FRMPD1: variants seen among roughly 807,000 people sequenced by gnomAD.
The protein encoded by FRMPD1 is FERM and PDZ domain containing 1.
A neutral mutation model predicts 117.8 loss-of-function variants in FRMPD1; 76 were observed. The observed-to-expected ratio is 0.65, with a 90% CI of 0.54 to 0.78. The LOEUF (loss-of-function observed/expected upper bound fraction) is 0.78. Ranked by LOEUF, FRMPD1 falls within the 30% of genes least tolerant of loss-of-function variation. The pLI is 0.00. For missense variants in FRMPD1, 1,786 were observed against 1,964.5 expected, an observed-to-expected ratio of 0.91 and a Z score of 1.72; for synonymous variants, 783 against 770.4, an observed-to-expected ratio of 1.02 and a Z score of -0.27.
chr9:37,737,439 T>C (rs1824186551), intron 14 of FRMPD1, among the ~76,000 whole-genome samples, 196 bp downstream of exon 14: 1 of 152,220 alleles, frequency 6.6e-6, no homozygotes, highest in Non-Finnish European at 1.5e-5. Context: ...TCTTTGTATC[T>C]GAAATTTTCC....
At chr9:37,694,330 T>G (rs1365214032) in intron 2 of FRMPD1, among the ~76,000 whole-genome samples, 2 of 152,232 alleles carry the variant, frequency 1.3e-5, no homozygotes, top group East Asian at 3.8e-4. Context: ...CTGAGAAGTC[T>G]CGCAGAGAAA....
intron 5 of FRMPD1, among the ~76,000 whole-genome samples, chr9:37,715,365 C>T (rs1465487130): frequency 1.3e-5 from 2 of 152,290 alleles, no homozygotes; most frequent in African/African-American, 2.4e-5. Context: ...AGGTAGACTC[C>T]GGAACCCACA....
chr9:37,620,784 T>C, the FRMPD1 span, among the ~76,000 whole-genome samples: 2 of 152,288 alleles, frequency 1.3e-5, no homozygotes, highest in South Asian at 4.1e-4. Flanking sequence ...TTCCTGCTAT[T>C]CCAGGCCCTG....
chr9:37,739,806 G>T (rs1291305091), intron 14 of FRMPD1, among the ~76,000 whole-genome samples: 1 of 152,194 alleles, frequency 6.6e-6, no homozygotes, highest in Non-Finnish European at 1.5e-5. Context: ...ACATTTCCAT[G>T]AACAGACAGT....
intron 14 of FRMPD1, among the ~76,000 whole-genome samples, chr9:37,738,498 C>A (rs1415476596): frequency 6.6e-6 from 1 of 152,110 alleles, no homozygotes; most frequent in Non-Finnish European, 1.5e-5. Flanking sequence ...TGCCACCACG[C>A]CCGGCTAATT....
intron 1 of FRMPD1, among the ~76,000 whole-genome samples, chr9:37,656,313 C>T (rs145110347): frequency 2.9e-4 from 44 of 152,272 alleles, no homozygotes; most frequent in African/African-American, 1.0e-3. Context: ...AGATGTAGCT[C>T]CTTCATTTGA....
At chr9:37,616,092 C>G in the FRMPD1 span, among the ~76,000 whole-genome samples, 1 of 145,738 alleles carries the variant, frequency 6.9e-6, no homozygotes, top group African/African-American at 2.6e-5. Flanking sequence ...GCTGGGATTA[C>G]AGGCATGAGC....
intron 1 of FRMPD1, among the ~76,000 whole-genome samples, chr9:37,664,960 C>G (rs1253112797): frequency 1.3e-5 from 2 of 152,118 alleles, no homozygotes; most frequent in Non-Finnish European, 1.5e-5. Context: ...AGGAATTTAT[C>G]CTAAGAGAAT....
chr9:37,620,608 C>G, the FRMPD1 span, among the ~76,000 whole-genome samples: 9 of 152,022 alleles, frequency 5.9e-5, no homozygotes, highest in Non-Finnish European at 1.2e-4. Context: ...TTTGATGTTC[C>G]AGCTGTCTGG....
the FRMPD1 span, among the ~76,000 whole-genome samples, chr9:37,632,143 A>G: frequency 6.6e-6 from 1 of 152,228 alleles, no homozygotes; most frequent in South Asian, 2.1e-4. Context: ...ACTCAAAAAT[A>G]TATTGGGAAC....
chr9:37,704,871 C>T (rs1012689354), intron 2 of FRMPD1, among the ~76,000 whole-genome samples: 1 of 151,440 alleles, frequency 6.6e-6, no homozygotes, highest in Admixed American at 6.6e-5. Context: ...AGGAACCCAG[C>T]ATAACTTTAA....
chr9:37,700,302 G>A (rs1161906000), intron 2 of FRMPD1, among the ~76,000 whole-genome samples: 1 of 152,084 alleles, frequency 6.6e-6, no homozygotes, highest in Non-Finnish European at 1.5e-5. Flanking sequence ...TGGCCCCCTA[G>A]AAACTGTTAC....
At chr9:37,634,590 TG>T in the FRMPD1 span, among the ~76,000 whole-genome samples, 1 of 152,202 alleles carries the variant, frequency 6.6e-6, no homozygotes, top group East Asian at 1.9e-4. Flanking sequence ...GCACAGCTCT[TG>T]TCCTGCCGCT....
At position 37,734,152 on chromosome 9, in the gene FRMPD1, T is replaced by C. The variant is rs192158803; in HGVS notation, c.1218+327T>C. On this transcript the variant is annotated intron_variant, in intron 12 of 15. Transcript: ENST00000377765. ...GTTTGGAGACAGAAGGTAGCACTGC[T>C]TGCTTCAGGGTAAGTATAGGGAGGA... Among the ~76,000 whole-genome samples the C allele has an allele frequency of 5.7e-3, 872 of 152,244 alleles. 3 individuals are homozygous for C. Among genetic ancestry groups the C allele is most frequent in the Non-Finnish European group, 0.011 (715 of 68,000 alleles).
chr9:37,662,829 G>A (rs1199858915), intron 1 of FRMPD1, among the ~76,000 whole-genome samples: 1 of 152,196 alleles, frequency 6.6e-6, no homozygotes, highest in Non-Finnish European at 1.5e-5. Flanking sequence ...ATGTACAGAA[G>A]CTCTTGGGAC....
At chr9:37,721,545 A>T (rs1326494919) in intron 6 of FRMPD1, among the ~76,000 whole-genome samples, 1 of 152,240 alleles carries the variant, frequency 6.6e-6, no homozygotes, top group Non-Finnish European at 1.5e-5. Context: ...AATTATAGTC[A>T]TGCACTACTG....
intron 2 of FRMPD1, among the ~76,000 whole-genome samples, chr9:37,696,946 A>G (rs1822342593): frequency 6.6e-6 from 1 of 152,114 alleles, no homozygotes; most frequent in African/African-American, 2.4e-5. Context: ...AACCATTTCC[A>G]TTTCCAGGCA....
At chr9:37,633,017 T>TTA in the FRMPD1 span, among the ~76,000 whole-genome samples, 4,782 of 19,158 alleles carry the variant, frequency 0.25, 327 homozygotes, top group African/African-American at 0.38. Context: ...TCTACATATA[T>TTA]TATATATATA....
intron 2 of FRMPD1, among the ~76,000 whole-genome samples, chr9:37,698,549 CTTTTTTTTTTTTTTTTT>C (rs531498194): frequency 1.3e-5 from 1 of 74,594 alleles, no homozygotes; most frequent in Non-Finnish European, 2.2e-5. Context: ...ATCTCATTAT[CTTTTTTTTTTTTTTTTT>C]TTTTTTTTTT....
Sources: allele counts gnomAD v4.1 joint callset (sites outside exome capture counted in the v4.1 genomes callset), GRCh38; gene constraint gnomAD v4.1.1; transcripts MANE v1.5; gene names NCBI Gene and HGNC (gene_info 2026-07-23, HGNC 2026-07-21).